Variants in NFASC observed in about 807,000 individuals in gnomAD.
The protein encoded by NFASC is neurofascin homolog.
NFASC carries 43 observed loss-of-function variants against 147.5 expected under a neutral mutation model. The ratio of observed to expected loss-of-function variants is 0.29; its 90% confidence interval spans 0.23 to 0.38. The LOEUF (loss-of-function observed/expected upper bound fraction) is 0.38, where lower values mean the gene tolerates loss of function less well. NFASC is among the 10% of genes least tolerant of loss of function. The pLI is 1.00. For missense variants in NFASC, 1,320 were observed against 1,689.0 expected (o/e 0.78, Z 3.83); for synonymous variants, 622 against 665.5 (o/e 0.93, Z 1.01).
At chr1:204,990,842 C>A (rs969656968) in intron 23 of NFASC, among the ~76,000 whole-genome samples, 10 of 152,192 alleles carry the variant, frequency 6.6e-5, no homozygotes, top group African/African-American at 2.2e-4. Context: ...GGTGTCCTCC[C>A]ACACCACCTA....
At chr1:204,849,237 G>A (rs1251228841) in intron 1 of NFASC, among the ~76,000 whole-genome samples, 2 of 152,214 alleles carry the variant, frequency 1.3e-5, no homozygotes, top group Non-Finnish European at 2.9e-5. Flanking sequence ...GGGGCCTTGA[G>A]TTATTTTATG....
chr1:204,854,398 T>C (rs994941726), intron 1 of NFASC, among the ~76,000 whole-genome samples: 3 of 152,124 alleles, frequency 2.0e-5, no homozygotes, highest in Admixed American at 6.5e-5. Flanking sequence ...CCTCCTGACC[T>C]GGGAAATCCT....
At chr1:205,007,077 G>A (rs771790840) in intron 27 of NFASC, among the ~76,000 whole-genome samples, 5 of 151,996 alleles carry the variant, frequency 3.3e-5, no homozygotes, top group African/African-American at 4.8e-5. Context: ...GCTGGAGGGG[G>A]TGGAAGAGCA....
At chr1:204,969,458 G>A (rs2095130484) in intron 10 of NFASC, among the ~76,000 whole-genome samples, 1 of 152,222 alleles carries the variant, frequency 6.6e-6, no homozygotes, top group South Asian at 2.1e-4. Flanking sequence ...CCACCCGAGT[G>A]ATTGCAGGCA....
intron 1 of NFASC, among the ~76,000 whole-genome samples, chr1:204,892,568 GC>G (rs2082617327): frequency 6.6e-6 from 1 of 152,194 alleles, no homozygotes; most frequent in Non-Finnish European, 1.5e-5. Flanking sequence ...GTAGCCACTA[GC>G]CCATGTGACT....
intron 1 of NFASC, among the ~76,000 whole-genome samples, chr1:204,877,039 A>ATAATATATATT (rs2079081070): frequency 1.8e-4 from 18 of 100,516 alleles, no homozygotes; most frequent in Middle Eastern, 4.3e-3. Flanking sequence ...ATATATATTT[A>ATAATATATATT]TATATATATA....
At chr1:204,911,872 TTGGTTCATTTC>T (rs1482589810) in intron 1 of NFASC, among the ~76,000 whole-genome samples, 8 of 152,206 alleles carry the variant, frequency 5.3e-5, no homozygotes, top group Admixed American at 5.2e-4. Flanking sequence ...TTTTGAGAAC[TTGGTTCATTTC>T]ACCTAAGCTT....
chr1:204,902,432 G>A (rs796151523), intron 1 of NFASC, among the ~76,000 whole-genome samples: 4 of 152,270 alleles, frequency 2.6e-5, no homozygotes, highest in African/African-American at 9.6e-5. Context: ...TGAGACAATT[G>A]GAAATTTGCA....
rs575185664 is a variant in NFASC, at chr1:204,982,039, G to A, written c.2470+19G>A. On this transcript the variant is annotated intron_variant, in intron 21 of 29. Transcript: ENST00000339876. ...GAAGATTGTGAGTAGTCTCCTCCCC[G>A]TCCCCCCATCAGGACCCTTGTGGCT... The A allele has an allele frequency of 1.6e-4, 242 of 1,485,330 alleles. No homozygotes were observed. The South Asian group carries it at 2.7e-3, about 17-fold the overall frequency. The allele number at this position is 1,485,330 out of a possible 1,614,324, so 92.0% of individuals were successfully genotyped here.
chr1:204,853,381 A>C (rs1174994190), intron 1 of NFASC, among the ~76,000 whole-genome samples: 1 of 152,122 alleles, frequency 6.6e-6, no homozygotes, highest in Non-Finnish European at 1.5e-5. Flanking sequence ...AACTTTAGTT[A>C]TTTCCTCTGT....
At chr1:204,863,623 G>T (rs1013529339) in intron 1 of NFASC, among the ~76,000 whole-genome samples, 98 of 152,118 alleles carry the variant, frequency 6.4e-4, no homozygotes, top group African/African-American at 2.1e-3. Flanking sequence ...GCCGAGGGGG[G>T]TGGATCAACT....
At chr1:204,884,255 C>T (rs78334693) in intron 1 of NFASC, among the ~76,000 whole-genome samples, 10,586 of 152,074 alleles carry the variant, frequency 0.07, 1,053 homozygotes, top group East Asian at 0.21. Flanking sequence ...GCAGCTTGTA[C>T]AGAAAGGCTG....
In NFASC at chr1:205,019,351, G is replaced by C. The variant is rs2096384603; in HGVS notation, c.*2812G>C. 1 of 152,270 alleles carries C rather than the reference G, an allele frequency of 6.6e-6. No individual in the cohort carries two copies. The highest frequency in any genetic ancestry group is 1.5e-5 in the Non-Finnish European group (1 of 68,080). 9.4% of individuals were successfully genotyped at this position (152,270 alleles called of 1,614,324 possible). ...ACAGCACCATGCCATCGGCGCTCCA[G>C]TCTGTCTGGCTGGGAGGAAAGTGCT... On this transcript the variant is annotated 3_prime_UTR_variant, in exon 30 of 30. Transcript: ENST00000339876.
chr1:204,884,622 A>C (rs1370547651), intron 1 of NFASC, among the ~76,000 whole-genome samples: 3 of 152,128 alleles, frequency 2.0e-5, no homozygotes, highest in Non-Finnish European at 4.4e-5. Context: ...TAGGCTACTT[A>C]CTTAGCCTTT....
At chr1:204,865,471 G>C (rs1047911983) in intron 1 of NFASC, among the ~76,000 whole-genome samples, 3 of 152,124 alleles carry the variant, frequency 2.0e-5, no homozygotes, top group African/African-American at 7.2e-5. Flanking sequence ...GTAGTTTGGG[G>C]TATAACTTCA....
Position 204,858,978 on chromosome 1 carries a change from C to CT in NFASC, c.-200+30213dup, listed in dbSNP as rs56763796. On this transcript the variant is annotated intron_variant, in intron 1 of 29. Coordinates refer to ENST00000339876, the MANE Select transcript of NFASC (RefSeq NM_001005388.3). ...TCCGCTATTCAGTTGAATGCACTGA[C>CT]TTTTTTTTTTTTTTTTTGAGACAGA... Among the ~76,000 whole-genome samples, 344 of 139,560 alleles carry CT rather than the reference C, an allele frequency of 2.5e-3. 1 individual carries two copies. The highest frequency in any genetic ancestry group is 4.0e-3 in the African/African-American group (146 of 36,846). The allele number at this position is 139,560 out of a possible 152,430, so 91.6% of individuals were successfully genotyped here. A position where few individuals can be genotyped will look rare whatever the true frequency, so the allele number is the denominator to read the frequency against.
Position 204,987,263 on chromosome 1 carries a change from C to T in NFASC, c.2471-155C>T, listed in dbSNP as rs547398281. The T allele has an allele frequency of 1.4e-4, 96 of 678,610 alleles. 1 individual carries two copies. In the African/African-American group the frequency reaches 1.5e-3, roughly 11 times the overall value. The allele number at this position is 678,610 out of a possible 1,614,324, so 42.0% of individuals were successfully genotyped here. Reference sequence around the variant, plus strand: ...CCTGGATGGGGCAATGGGCTCCGGTCGTCTCACGGTTCTCCCAGGCTTCAG... The same window carrying T: ...CCTGGATGGGGCAATGGGCTCCGGTTGTCTCACGGTTCTCCCAGGCTTCAG... On this transcript the variant is annotated intron_variant, in intron 21 of 29. Coordinates refer to ENST00000339876, the MANE Select transcript of NFASC (RefSeq NM_001005388.3). This position sits in a 1 kb window ranked among gnomAD's most constrained non-coding sequence, Gnocchi z 4.4.
Position 204,986,034 on chromosome 1 carries a change from A to G in NFASC, c.2471-1384A>G. ...TCCCGCCTCTTCCCCTACAGTAACT[A>G]CAAGCTGGAGATGGTTGTGGTCAAT... On this transcript the variant is annotated intron_variant, in intron 21 of 29. Coordinates refer to ENST00000339876, the MANE Select transcript of NFASC (RefSeq NM_001005388.3). The surrounding 1 kb of genome is among the most constrained non-coding windows in gnomAD (Gnocchi z 4.2). 6.2e-7 allele frequency: 1 copy of G among 1,614,092 alleles called. No individual in the cohort carries two copies. The highest frequency in any genetic ancestry group is 8.5e-7 in the Non-Finnish European group (1 of 1,179,964).
At position 204,894,100 on chromosome 1, in the gene NFASC, A is replaced by G. The variant is rs552548227; in HGVS notation, c.-199-26532A>G. On this transcript the variant is annotated intron_variant, in intron 1 of 29. Coordinates refer to ENST00000339876, the MANE Select transcript of NFASC (RefSeq NM_001005388.3). ...TACCTGGATGTATCACCTCATAGTT[A>G]TAAGCATCATGTCCTAAAATAGTCA... 4.5e-4 allele frequency among the ~76,000 whole-genome samples: 68 copies of G among 152,350 alleles called. 1 individual carries two copies. The highest frequency in any genetic ancestry group is 1.5e-3 in the African/African-American group (63 of 41,584).
Sources: gnomAD v4.1 joint callset for allele counts (sites outside exome capture counted in the v4.1 genomes callset) on GRCh38, gnomAD v4.1.1 for gene constraint, Gnocchi (gnomAD v3.1) non-coding constraint, MANE v1.5 for transcripts, NCBI Gene and HGNC (gene_info 2026-07-23, HGNC 2026-07-21) for gene names.